ANGPT1: variants seen among roughly 807,000 people sequenced by gnomAD.
ANGPT1 encodes angiopoietin-1.
In ANGPT1, 17 loss-of-function variants were observed where a neutral mutation model predicts 62.2. The observed-to-expected ratio is 0.27, with a 90% CI of 0.19 to 0.41. ANGPT1 has a LOEUF of 0.41. Among genes scored for constraint, ANGPT1 ranks in the 10% least tolerant of loss-of-function variants. The probability of loss-of-function intolerance (pLI) is 1.00; values close to 1 mark genes in which losing one functional copy is unlikely to be tolerated. For missense variants in ANGPT1, 478 were observed against 594.9 expected (o/e 0.80, Z 2.04); for synonymous variants, 199 against 198.9 (o/e 1.00, Z 0.00).
intron 1 of ANGPT1, among the ~76,000 whole-genome samples, chr8:107,350,571 A>G (rs76999338): frequency 1.7e-3 from 254 of 152,266 alleles, no homozygotes; most frequent in African/African-American, 5.8e-3. Context: ...ATTTCATGCT[A>G]GCATTCATCA....
intron 6 of ANGPT1, among the ~76,000 whole-genome samples, chr8:107,286,229 G>C (rs1250241030): frequency 6.6e-6 from 1 of 152,070 alleles, no homozygotes; most frequent in African/African-American, 2.4e-5. Flanking sequence ...TGCCAGTTCA[G>C]TTATTGCAAT....
At chr8:107,425,643 T>C (rs1811021081) in intron 1 of ANGPT1, among the ~76,000 whole-genome samples, 1 of 152,168 alleles carries the variant, frequency 6.6e-6, no homozygotes, top group East Asian at 1.9e-4. Flanking sequence ...AGTCTCAAGG[T>C]GTGCTTGTGA....
rs1044303581 is a variant in ANGPT1 at position 107,250,716 on chromosome 8, G to A, written c.*1139C>T. 2.0e-5 allele frequency: 3 copies of A among 151,960 alleles called. No homozygotes were observed. Among genetic ancestry groups the A allele is most frequent in the African/African-American group, 7.2e-5 (3 of 41,398 alleles). 9.4% of individuals were successfully genotyped at this position (151,960 alleles called of 1,614,324 possible). ...TATTTTATTTTTTATAGACTTCAAA[G>A]TGTTTCTTTTATAGACACTGGAACA... On this transcript the variant is annotated 3_prime_UTR_variant, in exon 9 of 9. Transcript: ENST00000517746.
intron 1 of ANGPT1, among the ~76,000 whole-genome samples, chr8:107,348,087 C>A (rs1388438766): frequency 6.6e-6 from 1 of 152,154 alleles, no homozygotes; most frequent in African/African-American, 2.4e-5. Context: ...GAAATTGCAT[C>A]CCAGAGAAAT....
chr8:107,292,456 C>T (rs551492409), intron 6 of ANGPT1, among the ~76,000 whole-genome samples: 6 of 152,094 alleles, frequency 3.9e-5, no homozygotes, highest in Non-Finnish European at 8.8e-5. Flanking sequence ...CCAAATAAAC[C>T]TCTCTTTCAA....
chr8:107,376,361 T>C (rs1238303031), intron 1 of ANGPT1, among the ~76,000 whole-genome samples: 1 of 152,126 alleles, frequency 6.6e-6, no homozygotes, highest in Non-Finnish European at 1.5e-5. Context: ...GAACCCTGAG[T>C]TCTTTTCCAG....
chr8:107,303,889 A>C (rs2129982754), intron 4 of ANGPT1, among the ~76,000 whole-genome samples: 1 of 152,070 alleles, frequency 6.6e-6, no homozygotes, highest in Admixed American at 6.6e-5. Flanking sequence ...TATATTGAAG[A>C]GCTTCTAGAA....
chr8:107,388,421 AT>A (rs1476411207), intron 1 of ANGPT1, among the ~76,000 whole-genome samples: 5 of 136,948 alleles, frequency 3.7e-5, no homozygotes, highest in Middle Eastern at 3.8e-3. Flanking sequence ...TTTCCAAATT[AT>A]TTTTTAATAA....
intron 2 of ANGPT1, among the ~76,000 whole-genome samples, chr8:107,343,306 CG>C (rs928057784): frequency 5.9e-5 from 9 of 151,972 alleles, no homozygotes; most frequent in African/African-American, 2.2e-4. Context: ...GGCTTCAGAC[CG>C]GGATGGTCTA....
At chr8:107,497,029 G>T (rs1407791470) in intron 1 of ANGPT1, among the ~76,000 whole-genome samples, 1 of 152,146 alleles carries the variant, frequency 6.6e-6, no homozygotes, top group African/African-American at 2.4e-5. Flanking sequence ...CATAAAATTT[G>T]CCAGGGCTAG....
intron 8 of ANGPT1, among the ~76,000 whole-genome samples, chr8:107,255,992 G>A (rs1813348859): frequency 1.3e-5 from 2 of 152,142 alleles, no homozygotes; most frequent in South Asian, 4.1e-4. Flanking sequence ...AAGTACAACT[G>A]TACAATGTTC....
intron 6 of ANGPT1, among the ~76,000 whole-genome samples, chr8:107,288,049 T>A (rs1034547980): frequency 6.6e-6 from 1 of 152,048 alleles, no homozygotes; most frequent in African/African-American, 2.4e-5. Flanking sequence ...CTACTTTGTA[T>A]AAGAAAAGGA....
intron 2 of ANGPT1, 43 bp downstream of exon 2, chr8:107,346,899 A>AG (rs1563579453): frequency 1.2e-5 from 19 of 1,534,226 alleles, no homozygotes; most frequent in Admixed American, 2.1e-5. Flanking sequence ...GAAAAAAAAA[A>AG]TTTTTCCTTG....
chr8:107,272,465 T>C (rs1314738543), intron 7 of ANGPT1, among the ~76,000 whole-genome samples: 2 of 152,046 alleles, frequency 1.3e-5, no homozygotes, highest in African/African-American at 4.8e-5. Context: ...AACATTAATA[T>C]CTTGTAGAAT....
chr8:107,409,840 C>T (rs2130352616), intron 1 of ANGPT1, among the ~76,000 whole-genome samples: 1 of 152,046 alleles, frequency 6.6e-6, no homozygotes, highest in East Asian at 1.9e-4. Context: ...TTTAACTAGA[C>T]AGTGGGCCTC....
intron 1 of ANGPT1, among the ~76,000 whole-genome samples, chr8:107,382,411 G>T (rs1654727): frequency 6.6e-6 from 1 of 151,782 alleles, no homozygotes; most frequent in Non-Finnish European, 1.5e-5. Flanking sequence ...TCACAGAGAG[G>T]TCTGCTGTGC....
At chr8:107,335,518 CCAATT>C (rs547057197) in intron 3 of ANGPT1, among the ~76,000 whole-genome samples, 122 of 152,094 alleles carry the variant, frequency 8.0e-4, no homozygotes, top group Non-Finnish European at 9.7e-4. Context: ...TGTCTAAGTT[CCAATT>C]CAATCAACTG....
intron 4 of ANGPT1, among the ~76,000 whole-genome samples, chr8:107,318,793 A>G (rs1563566650): frequency 2.0e-5 from 3 of 152,286 alleles, no homozygotes; most frequent in Non-Finnish European, 4.4e-5. Flanking sequence ...GCTAATTAAC[A>G]TATCCATTAC....
At chr8:107,280,454 C>T (rs1481606176) in intron 7 of ANGPT1, among the ~76,000 whole-genome samples, 4 of 152,150 alleles carry the variant, frequency 2.6e-5, no homozygotes, top group South Asian at 2.1e-4. Context: ...AAGAAAGAAG[C>T]GCTTTAGTAT....
Sources: allele counts gnomAD v4.1 joint callset (sites outside exome capture counted in the v4.1 genomes callset), GRCh38; gene constraint gnomAD v4.1.1; transcripts MANE v1.5; gene names NCBI Gene and HGNC (gene_info 2026-07-23, HGNC 2026-07-21).